CACNA2D3: variants seen among roughly 807,000 people sequenced by gnomAD.
The protein encoded by CACNA2D3 is calcium voltage-gated channel auxiliary subunit alpha2delta 3.
A neutral mutation model predicts 160.6 loss-of-function variants in CACNA2D3; 60 were observed. The observed-to-expected ratio is 0.37, with a 90% CI of 0.30 to 0.46. The LOEUF is 0.46. Ranked by LOEUF, CACNA2D3 falls within the 20% of genes least tolerant of loss-of-function variation. CACNA2D3 has a pLI of 1.00. For synonymous variants in CACNA2D3, 558 were observed against 492.9 expected (o/e 1.13, Z -1.75); for missense variants, 1,205 against 1,365.0 (o/e 0.88, Z 1.85).
chr3:54,483,118 G>A (rs1700960161), intron 4 of CACNA2D3, among the ~76,000 whole-genome samples: 1 of 152,188 alleles, frequency 6.6e-6, no homozygotes. Context: ...GCATGCGATT[G>A]CTATTTTAAA....
At chr3:54,507,833 C>T (rs1236088359) in intron 5 of CACNA2D3, among the ~76,000 whole-genome samples, 2 of 152,330 alleles carry the variant, frequency 1.3e-5, no homozygotes, top group East Asian at 3.9e-4. Context: ...ATACCTGTGC[C>T]TCGTTTTCCT....
chr3:54,247,383 A>G (rs1702102027), intron 2 of CACNA2D3, among the ~76,000 whole-genome samples: 1 of 152,218 alleles, frequency 6.6e-6, no homozygotes, highest in Admixed American at 6.6e-5. Context: ...ACATTAAGAA[A>G]GTGATACAAG....
intron 12 of CACNA2D3, among the ~76,000 whole-genome samples, chr3:54,758,552 T>C (rs1440149680): frequency 3.3e-5 from 5 of 152,096 alleles, no homozygotes; most frequent in African/African-American, 1.2e-4. Context: ...AAATTGTACC[T>C]TTTTCTATAG....
chr3:54,657,708 C>T (rs1699898942), intron 11 of CACNA2D3, among the ~76,000 whole-genome samples: 1 of 152,152 alleles, frequency 6.6e-6, no homozygotes. Context: ...GGATTTCCTT[C>T]TTTCCAAGGC....
chr3:54,557,167 T>C (rs928409590), intron 5 of CACNA2D3, among the ~76,000 whole-genome samples: 3 of 152,210 alleles, frequency 2.0e-5, no homozygotes, highest in Non-Finnish European at 4.4e-5. Flanking sequence ...ATAAGTGTTA[T>C]TTCAAATATT....
At chr3:54,450,462 A>C (rs1700287037) in intron 4 of CACNA2D3, among the ~76,000 whole-genome samples, 2 of 152,048 alleles carry the variant, frequency 1.3e-5, no homozygotes, top group Admixed American at 1.3e-4. Context: ...TCATATTGAA[A>C]TTTGATCCCC....
intron 13 of CACNA2D3, among the ~76,000 whole-genome samples, chr3:54,790,113 C>T (rs1233609996): frequency 6.6e-6 from 1 of 152,186 alleles, no homozygotes; most frequent in Non-Finnish European, 1.5e-5. Context: ...GGAACACAGG[C>T]CCTGGAGCCA....
intron 11 of CACNA2D3, among the ~76,000 whole-genome samples, chr3:54,695,797 G>T (rs967752908): frequency 1.3e-5 from 2 of 152,134 alleles, no homozygotes; most frequent in African/African-American, 2.4e-5. Context: ...TTTGCAAGAA[G>T]TCTTTTCATA....
At chr3:54,143,345 A>G (rs1699970786) in intron 2 of CACNA2D3, among the ~76,000 whole-genome samples, 1 of 152,212 alleles carries the variant, frequency 6.6e-6, no homozygotes. Context: ...GACTGCTGGG[A>G]AGAAATAATA....
intron 11 of CACNA2D3, among the ~76,000 whole-genome samples, chr3:54,735,973 C>T (rs2107024744): frequency 8.9e-6 from 1 of 112,610 alleles, no homozygotes; most frequent in East Asian, 2.7e-4. Context: ...CATTATTTTT[C>T]CATGCATGTA....
At chr3:55,030,121 G>A (rs1559468358) in intron 35 of CACNA2D3, among the ~76,000 whole-genome samples, 1 of 151,946 alleles carries the variant, frequency 6.6e-6, no homozygotes, top group Non-Finnish European at 1.5e-5. Flanking sequence ...CATGTTGGGT[G>A]GTAATGCACA....
intron 2 of CACNA2D3, among the ~76,000 whole-genome samples, chr3:54,186,801 C>T (rs963832579): frequency 6.6e-6 from 1 of 152,106 alleles, no homozygotes; most frequent in Non-Finnish European, 1.5e-5. Context: ...ACCTTAAAAT[C>T]TGAGATCCAA....
intron 12 of CACNA2D3, among the ~76,000 whole-genome samples, chr3:54,757,402 T>A (rs1376954624): frequency 6.6e-6 from 1 of 152,146 alleles, no homozygotes; most frequent in Non-Finnish European, 1.5e-5. Flanking sequence ...TAATCTTTTT[T>A]CAATAAAAAG....
At position 54,223,851 on chromosome 3, in the gene CACNA2D3, C is replaced by CAAA. The variant is rs60397787; in HGVS notation, c.205-96575_205-96573dup. 8.3e-3 allele frequency among the ~76,000 whole-genome samples: 805 copies of CAAA among 96,624 alleles called. 11 individuals carry two copies. The highest frequency in any genetic ancestry group is 0.024 in the African/African-American group (610 of 25,132). 63.4% of individuals were successfully genotyped at this position (96,624 alleles called of 152,430 possible). ...TGGGTGACAGAGCGAGACTCTGTCTCAAAAAAAAAAAAAAAAAATTATTTT... is the reference window on the plus strand; with the variant it reads ...TGGGTGACAGAGCGAGACTCTGTCTCAAAAAAAAAAAAAAAAAAAAATTATTTT... On this transcript the variant is annotated intron_variant, in intron 2 of 37. Coordinates refer to ENST00000474759, the MANE Select transcript of CACNA2D3 (RefSeq NM_018398.3).
intron 11 of CACNA2D3, among the ~76,000 whole-genome samples, chr3:54,721,762 CAAAA>C (rs34393649): frequency 1.9e-5 from 2 of 106,308 alleles, no homozygotes; most frequent in Non-Finnish European, 3.8e-5. Context: ...AACTCCATCT[CAAAA>C]AAAAAAAAAA....
chr3:54,911,865 C>A (rs1700563266), intron 27 of CACNA2D3, among the ~76,000 whole-genome samples: 2 of 152,188 alleles, frequency 1.3e-5, no homozygotes, highest in South Asian at 2.1e-4. Flanking sequence ...TATTAGTTAT[C>A]TTATGCCAAA....
At chr3:54,687,138 T>C (rs1304315950) in intron 11 of CACNA2D3, among the ~76,000 whole-genome samples, 58 of 69,068 alleles carry the variant, frequency 8.4e-4, no homozygotes, top group African/African-American at 3.2e-3. Context: ...TTTTTTTGTT[T>C]TTTTTTTTTT....
At chr3:54,975,043 A>C (rs1702354566) in intron 29 of CACNA2D3, among the ~76,000 whole-genome samples, 2 of 152,174 alleles carry the variant, frequency 1.3e-5, no homozygotes, top group Admixed American at 6.5e-5. Context: ...ATTCTGTCCT[A>C]ATTTATCCAT....
In CACNA2D3 at chr3:54,821,634, GTCTTTCGT is replaced by G. The variant is rs1430263941; in HGVS notation, c.1398+4771_1398+4778del. Among the ~76,000 whole-genome samples, 150 of 140,466 alleles carry G rather than the reference GTCTTTCGT, an allele frequency of 1.1e-3. 1 individual carries two copies. Among genetic ancestry groups the G allele is most frequent in the African/African-American group, 3.3e-3 (129 of 39,238 alleles). The allele number at this position is 140,466 out of a possible 152,430, so 92.2% of individuals were successfully genotyped here. ...AAATGGAAGCCTTCGTTTTTCTAGA[GTCTTTCGT>G]TCTTTCTTTCTTTCTTTCTTTCTTT... On this transcript the variant is annotated intron_variant, in intron 14 of 37. Coordinates refer to ENST00000474759, the MANE Select transcript of CACNA2D3 (RefSeq NM_018398.3).
Sources: allele counts gnomAD v4.1 joint callset (sites outside exome capture counted in the v4.1 genomes callset), GRCh38; gene constraint gnomAD v4.1.1; transcripts MANE v1.5; gene names NCBI Gene and HGNC (gene_info 2026-07-23, HGNC 2026-07-21).